The following PCDHGA2 variants were observed in gnomAD, a reference collection of about 807,000 sequenced individuals.
PCDHGA2 encodes protocadherin gamma subfamily A, 2.
Under a neutral mutation model 59.2 loss-of-function variants are expected in PCDHGA2, and 40 were observed. The ratio of observed to expected loss-of-function variants is 0.68; its 90% CI spans 0.52 to 0.88. The LOEUF is 0.88. PCDHGA2 is among the 40% of genes least tolerant of loss of function. The pLI is 0.00. For synonymous variants in PCDHGA2, 560 were observed against 526.0 expected (o/e 1.06, Z -0.89); for missense variants, 1,226 against 1,204.0 (o/e 1.02, Z -0.27).
chr5:141,478,857 C>A, intron 1 of PCDHGA2: 1 of 1,353,600 alleles, frequency 7.4e-7, no homozygotes, highest in Non-Finnish European at 9.8e-7. Context: ...AACACAAGAT[C>A]TCAGCGATCA....
chr5:141,444,008 A>G (rs2098413646), intron 1 of PCDHGA2, among the ~76,000 whole-genome samples: 2 of 152,140 alleles, frequency 1.3e-5, no homozygotes, highest in Non-Finnish European at 2.9e-5. Context: ...CTACCTGGGT[A>G]TTGGCTTCTA....
At chr5:141,434,117 G>T (rs2097672674) in intron 1 of PCDHGA2, among the ~76,000 whole-genome samples, 1 of 152,126 alleles carries the variant, frequency 6.6e-6, no homozygotes, top group African/African-American at 2.4e-5. Context: ...TGGCCTTTGG[G>T]ACTCCCTTTA....
At chr5:141,365,353 T>A (rs565922694) in intron 1 of PCDHGA2, 17 of 1,613,862 alleles carry the variant, frequency 1.1e-5, no homozygotes, top group Non-Finnish European at 1.4e-5. Flanking sequence ...AGGACGTGAA[T>A]GACAATGCCC....
At chr5:141,389,034 T>C (rs369402592) in intron 1 of PCDHGA2, 34 of 1,613,840 alleles carry the variant, frequency 2.1e-5, no homozygotes, top group East Asian at 4.5e-5. Flanking sequence ...GACTTGTAAA[T>C]TGGAAGGTGA....
rs765885822 is a variant in PCDHGA2 at position 141,361,298 on chromosome 5, G to A, written c.2424+19903G>A. ...GGAGAAGTTTACTGCCAAGTGTTGG[G>A]AAATGCCAAGTTTATTTTGAAATCT... On this transcript the variant is annotated intron_variant, in intron 1 of 3. Coordinates refer to ENST00000394576, the MANE Select transcript of PCDHGA2 (RefSeq NM_018915.4). 170 of 1,613,882 alleles carry A rather than the reference G, an allele frequency of 1.1e-4. No individual in the cohort carries two copies. Among genetic ancestry groups the A allele is most frequent in the Non-Finnish European group, 1.3e-4 (151 of 1,179,896 alleles).
Position 141,487,642 on chromosome 5 carries a change from G to A in PCDHGA2, c.2425-7165G>A, listed in dbSNP as rs747328649. 1.2e-6 allele frequency: 2 copies of A among 1,614,130 alleles called. No individual in the cohort carries two copies. The highest frequency in any genetic ancestry group is 1.3e-5 in the African/African-American group (1 of 75,062). On this transcript the variant is annotated intron_variant, in intron 1 of 3. Transcript: ENST00000394576. This position sits in a 1 kb window ranked among gnomAD's most constrained non-coding sequence, Gnocchi z 5.0. ...TGAGACCTTTGCAGGCTCAACAAAT[G>A]CTTGAGGGTTATTCTGATCCAGGCA...
intron 1 of PCDHGA2, among the ~76,000 whole-genome samples, chr5:141,464,715 T>C (rs1013508667): frequency 2.0e-5 from 3 of 152,090 alleles, no homozygotes; most frequent in Admixed American, 2.0e-4. Flanking sequence ...AAATAGTTTT[T>C]CATATGTTTA....
chr5:141,419,065 C>T (rs763008753), intron 1 of PCDHGA2: 3 of 1,613,904 alleles, frequency 1.9e-6, no homozygotes, highest in Non-Finnish European at 2.5e-6. Flanking sequence ...ATAATTACTA[C>T]AAGCTAGTAA....
At chr5:141,395,147 G>A in intron 1 of PCDHGA2, 1 of 1,614,210 alleles carries the variant, frequency 6.2e-7, no homozygotes, top group Non-Finnish European at 8.5e-7. Flanking sequence ...ACGCAGACAT[G>A]CTCATCAGTC....
intron 1 of PCDHGA2, chr5:141,379,063 C>G (rs1026715251): frequency 6.6e-6 from 1 of 152,184 alleles, no homozygotes; most frequent in African/African-American, 2.4e-5. Flanking sequence ...GGATTGGCCA[C>G]TTGTGCATCT....
At chr5:141,375,934 C>T in intron 1 of PCDHGA2, 3 of 1,613,738 alleles carry the variant, frequency 1.9e-6, no homozygotes, top group Non-Finnish European at 2.5e-6. Context: ...CAGGACTTTT[C>T]TCAGTGGGCC....
intron 1 of PCDHGA2, chr5:141,383,934 A>G (rs756515135): frequency 2.5e-6 from 4 of 1,613,944 alleles, no homozygotes; most frequent in Non-Finnish European, 3.4e-6. Flanking sequence ...ATAATGCTCC[A>G]GAAGTGACTA....
rs535871341 is a variant in PCDHGA2 at position 141,382,152 on chromosome 5, A to G, written c.2424+40757A>G. Among the ~76,000 whole-genome samples, 62 of 152,216 alleles carry G rather than the reference A, an allele frequency of 4.1e-4. 1 individual carries two copies. Among genetic ancestry groups the G allele is most frequent in the African/African-American group, 1.4e-3 (59 of 41,532 alleles). The stretch of plus-strand genomic sequence containing the variant: ...CCCCCCTCTCATTTTTTAAACGGTT[A>G]AAATGAAGGTGTTAGACCGTCTCTA... On this transcript the variant is annotated intron_variant, in intron 1 of 3. Transcript: ENST00000394576.
Position 141,350,398 on chromosome 5 carries a change from G to T in PCDHGA2, c.2424+9003G>T, listed in dbSNP as rs1056572833. ...AGCTAGCCAACGGCTCACGGGTGGG[G>T]AAACTTGCCAAGGATCTGGGGCTCA... On this transcript the variant is annotated intron_variant, in intron 1 of 3. Transcript: ENST00000394576. 16 of 1,599,976 alleles carry T rather than the reference G, an allele frequency of 1.0e-5. No individual in the cohort carries two copies. In the Admixed American group the frequency reaches 1.9e-4, roughly 19 times the overall value.
intron 1 of PCDHGA2, chr5:141,413,940 TC>T (rs1190444840): frequency 1.2e-6 from 2 of 1,613,390 alleles, no homozygotes; most frequent in East Asian, 2.2e-5. Context: ...GAGTGAGTGT[TC>T]CTGAGAATTT....
intron 1 of PCDHGA2, chr5:141,441,088 G>A (rs1050261040): frequency 3.9e-5 from 6 of 152,162 alleles, no homozygotes; most frequent in African/African-American, 1.4e-4. Context: ...GGTAGCAAGT[G>A]ACAGAGAGGG....
intron 1 of PCDHGA2, chr5:141,389,105 T>C (rs1394118929): frequency 1.9e-6 from 3 of 1,614,018 alleles, no homozygotes; most frequent in East Asian, 2.2e-5. Context: ...CAGATGCTGT[T>C]CTAGACCGCG....
At chr5:141,438,896 CCT>C (rs886177991) in intron 1 of PCDHGA2, among the ~76,000 whole-genome samples, 30 of 151,820 alleles carry the variant, frequency 2.0e-4, no homozygotes, top group Non-Finnish European at 7.4e-5. Context: ...GAACTCCTGA[CCT>C]CAGGTGATCC....
intron 1 of PCDHGA2, among the ~76,000 whole-genome samples, chr5:141,472,590 C>T (rs1161871973): frequency 6.6e-6 from 1 of 151,908 alleles, no homozygotes; most frequent in Non-Finnish European, 1.5e-5. Flanking sequence ...GTCAGAAGCT[C>T]TCTTGAAATT....
Sources: gnomAD v4.1 joint callset for allele counts (sites outside exome capture counted in the v4.1 genomes callset) on GRCh38, gnomAD v4.1.1 for gene constraint, Gnocchi (gnomAD v3.1) non-coding constraint, MANE v1.5 for transcripts, NCBI Gene and HGNC (gene_info 2026-07-23, HGNC 2026-07-21) for gene names.